The following NWD2 variants were observed in gnomAD, a reference collection of about 807,000 sequenced individuals.
NWD2 encodes the protein NACHT and WD repeat domain containing 2.
In NWD2, 37 loss-of-function variants were observed where a neutral mutation model predicts 132.7. The ratio of observed to expected loss-of-function variants is 0.28; its 90% CI spans 0.21 to 0.37. NWD2 has a LOEUF of 0.37. NWD2 is among the 10% of genes least tolerant of loss of function. NWD2 has a pLI of 1.00. For missense variants in NWD2, 1,592 were observed against 2,122.4 expected (o/e 0.75, Z 4.91); for synonymous variants, 705 against 803.0 (o/e 0.88, Z 2.06).
chr4:37,284,528 T>TC (rs905603641), intron 1 of NWD2, among the ~76,000 whole-genome samples: 2 of 152,046 alleles, frequency 1.3e-5, no homozygotes, highest in African/African-American at 4.8e-5. Context: ...CCTGTTGGAG[T>TC]CCCCCACAGA....
intron 2 of NWD2, among the ~76,000 whole-genome samples, chr4:37,343,419 G>A (rs2109295752): frequency 6.6e-6 from 1 of 152,274 alleles, no homozygotes; most frequent in African/African-American, 2.4e-5. Flanking sequence ...TCTTGAAAGA[G>A]CTACAGGTCT....
At chr4:37,298,240 G>A (rs1205468918) in intron 1 of NWD2, among the ~76,000 whole-genome samples, 3 of 152,160 alleles carry the variant, frequency 2.0e-5, no homozygotes, top group African/African-American at 7.2e-5. Context: ...TAAGGCAGCA[G>A]CAATCACTCG....
At chr4:37,299,999 A>C (rs115524397) in intron 1 of NWD2, among the ~76,000 whole-genome samples, 3 of 152,214 alleles carry the variant, frequency 2.0e-5, no homozygotes, top group African/African-American at 7.2e-5. Context: ...CCTCAAATAC[A>C]TCGTGTCCTT....
At position 37,382,835 on chromosome 4, in the gene NWD2, C is replaced by T. The variant is rs551147493; in HGVS notation, c.357+26353C>T. On this transcript the variant is annotated intron_variant, in intron 3 of 6. Coordinates refer to ENST00000309447, the MANE Select transcript of NWD2 (RefSeq NM_001144990.2). ...CCTCCCGAGTAGCTGGGATTACAGG[C>T]GCACACCACCAGGCCTGGCTAATTT... Among the ~76,000 whole-genome samples, 12 of 152,052 alleles carry T rather than the reference C, an allele frequency of 7.9e-5. No individual in the cohort carries two copies. In the East Asian group the frequency reaches 1.5e-3, roughly 20 times the overall value.
chr4:37,348,669 TATATATAC>T (rs1299903056), intron 2 of NWD2, among the ~76,000 whole-genome samples: 6 of 73,608 alleles, frequency 8.2e-5, no homozygotes, highest in African/African-American at 2.5e-4. Flanking sequence ...TATATATATA[TATATATAC>T]ACACACACAC....
Position 37,245,181 on chromosome 4 carries a change from C to A in NWD2, c.114C>A (p.Gly38=). The A allele has an allele frequency of 6.5e-7, 1 of 1,544,080 alleles. No individual in the cohort carries two copies. ...TGCCCTCTCACCTCGTGCCCGCCGGCCGCAGCGTCCGGGTCTTCATCAGCG... is the reference window on the plus strand; with the variant it reads ...TGCCCTCTCACCTCGTGCCCGCCGGACGCAGCGTCCGGGTCTTCATCAGCG... The part of the protein sequence containing the change: ...TALPSHLVPA[G]RSVRVFISAN... Residue 38 remains glycine, a synonymous_variant, in exon 1 of 7, where the codon GGC becomes GGA. Coordinates refer to ENST00000309447, the MANE Select transcript of NWD2 (RefSeq NM_001144990.2).
intron 3 of NWD2, among the ~76,000 whole-genome samples, chr4:37,417,428 T>C (rs1422844311): frequency 1.3e-5 from 2 of 152,044 alleles, no homozygotes; most frequent in Non-Finnish European, 2.9e-5. Flanking sequence ...CATATAGAGG[T>C]ATATTTATAT....
chr4:37,389,821 C>T (rs933085441), intron 3 of NWD2, among the ~76,000 whole-genome samples: 15 of 151,856 alleles, frequency 9.9e-5, no homozygotes, highest in African/African-American at 3.6e-4. Flanking sequence ...TGCCCTGTCA[C>T]CCAGGCTGGA....
At chr4:37,415,638 A>C (rs2109320774) in intron 3 of NWD2, among the ~76,000 whole-genome samples, 1 of 147,264 alleles carries the variant, frequency 6.8e-6, no homozygotes, top group African/African-American at 2.5e-5. Context: ...TGCGAGGTGG[A>C]GCTTGCAGTG....
At chr4:37,341,804 A>T (rs1367478163) in intron 2 of NWD2, among the ~76,000 whole-genome samples, 2 of 152,238 alleles carry the variant, frequency 1.3e-5, no homozygotes, top group East Asian at 3.8e-4. Flanking sequence ...AGAAGTAAAT[A>T]AGTGGCTCTA....
At chr4:37,351,816 G>A (rs1719771763) in intron 2 of NWD2, among the ~76,000 whole-genome samples, 1 of 152,114 alleles carries the variant, frequency 6.6e-6, no homozygotes, top group African/African-American at 2.4e-5. Flanking sequence ...GGGCATTTTA[G>A]TGCTATAAAT....
intron 1 of NWD2, among the ~76,000 whole-genome samples, chr4:37,274,547 T>C (rs1461895641): frequency 6.6e-6 from 1 of 152,048 alleles, no homozygotes; most frequent in East Asian, 1.9e-4. Context: ...TTCCAATCAA[T>C]AGAAAAAGAG....
intron 1 of NWD2, among the ~76,000 whole-genome samples, chr4:37,247,548 C>T (rs1717268476): frequency 6.6e-6 from 1 of 152,072 alleles, no homozygotes. Context: ...CTTTACAAGG[C>T]TTGCATGGAA....
At chr4:37,440,283 A>G (rs1312503074) in intron 6 of NWD2, among the ~76,000 whole-genome samples, 1 of 152,172 alleles carries the variant, frequency 6.6e-6, no homozygotes, top group Non-Finnish European at 1.5e-5. Flanking sequence ...GACCTGCGAA[A>G]AGCAAACAGA....
At chr4:37,310,291 T>C (rs1327205680) in intron 1 of NWD2, among the ~76,000 whole-genome samples, 3 of 152,236 alleles carry the variant, frequency 2.0e-5, no homozygotes, top group Admixed American at 1.3e-4. Flanking sequence ...TTTAAAAAGA[T>C]AGATTTTTAA....
intron 1 of NWD2, among the ~76,000 whole-genome samples, chr4:37,249,079 T>C (rs867458297): frequency 5.9e-5 from 9 of 152,246 alleles, no homozygotes; most frequent in African/African-American, 2.2e-4. Flanking sequence ...ATTGAGCATT[T>C]GAAATGTGGC....
chr4:37,437,905 A>G (rs1237931469), intron 5 of NWD2, among the ~76,000 whole-genome samples: 1 of 152,196 alleles, frequency 6.6e-6, no homozygotes, highest in Non-Finnish European at 1.5e-5. Context: ...GATGGATATT[A>G]TAACAGTGAC....
chr4:37,402,659 A>G (rs1332225586), intron 3 of NWD2, among the ~76,000 whole-genome samples: 2 of 152,186 alleles, frequency 1.3e-5, no homozygotes, highest in Non-Finnish European at 2.9e-5. Flanking sequence ...TATGTGTGTA[A>G]AGTAGAAAGA....
At chr4:37,308,853 A>T (rs1718769236) in intron 1 of NWD2, among the ~76,000 whole-genome samples, 1 of 151,516 alleles carries the variant, frequency 6.6e-6, no homozygotes, top group Non-Finnish European at 1.5e-5. Flanking sequence ...ATGCAAGCAC[A>T]CTGTGGCTTC....
Sources: gnomAD v4.1 joint callset for allele counts (sites outside exome capture counted in the v4.1 genomes callset) on GRCh38, gnomAD v4.1.1 for gene constraint, MANE v1.5 for transcripts, NCBI Gene and HGNC (gene_info 2026-07-23, HGNC 2026-07-21) for gene names.